Variants in CCDC171 observed in about 807,000 individuals in gnomAD.
CCDC171 encodes coiled-coil domain containing 171.
A neutral mutation model predicts 168.2 loss-of-function variants in CCDC171; 177 were observed. That is an observed-to-expected ratio of 1.05 (90% CI 0.93 to 1.19). The LOEUF is 1.19. Ranked by LOEUF, CCDC171 falls within the 50% of genes most tolerant of loss-of-function variation. The pLI, the probability that CCDC171 is intolerant of heterozygous loss-of-function variation, is 0.00. For synonymous variants in CCDC171, 687 were observed against 540.8 expected (o/e 1.27, Z -3.75); for missense variants, 1,991 against 1,539.0 (o/e 1.29, Z -4.91).
chr9:15,917,503 A>C (rs1473901714), intron 24 of CCDC171, among the ~76,000 whole-genome samples: 2 of 151,724 alleles, frequency 1.3e-5, no homozygotes, highest in Non-Finnish European at 3.0e-5. Context: ...AAGAAGTAGT[A>C]TGTGGTTTAT....
chr9:15,754,672 G>C (rs1438678215), intron 18 of CCDC171, among the ~76,000 whole-genome samples: 1 of 152,116 alleles, frequency 6.6e-6, no homozygotes, highest in Non-Finnish European at 1.5e-5. Context: ...TCTGACACTA[G>C]CTGTGTGACC....
At chr9:15,653,625 G>T (rs1368507333) in intron 7 of CCDC171, among the ~76,000 whole-genome samples, 1 of 152,084 alleles carries the variant, frequency 6.6e-6, no homozygotes, top group Non-Finnish European at 1.5e-5. Flanking sequence ...ATCAGCTTAT[G>T]ACCAATCTTA....
At chr9:15,903,376 A>G (rs939623508) in intron 24 of CCDC171, among the ~76,000 whole-genome samples, 19 of 152,092 alleles carry the variant, frequency 1.2e-4, no homozygotes, top group Non-Finnish European at 2.5e-4. Context: ...CTGTTCACCA[A>G]TATCCGCTGT....
At chr9:15,909,656 A>G (rs1823322359) in intron 24 of CCDC171, among the ~76,000 whole-genome samples, 1 of 152,154 alleles carries the variant, frequency 6.6e-6, no homozygotes, top group African/African-American at 2.4e-5. Flanking sequence ...TCTGTATCTC[A>G]TTCCCTCCTA....
intron 21 of CCDC171, among the ~76,000 whole-genome samples, chr9:15,800,042 A>G (rs1354651348): frequency 6.6e-6 from 1 of 152,076 alleles, no homozygotes; most frequent in Non-Finnish European, 1.5e-5. Context: ...TTGCTTCCAA[A>G]TCTTGGCTAT....
At chr9:16,079,342 G>A in the CCDC171 span, among the ~76,000 whole-genome samples, 1 of 152,116 alleles carries the variant, frequency 6.6e-6, no homozygotes, top group Non-Finnish European at 1.5e-5. Flanking sequence ...TTGGAGCTAG[G>A]GTCTTCACAG....
At chr9:15,667,325 A>G (rs1333240618) in intron 9 of CCDC171, among the ~76,000 whole-genome samples, 1 of 152,162 alleles carries the variant, frequency 6.6e-6, no homozygotes, top group Admixed American at 6.5e-5. Context: ...TTTTCCATTT[A>G]TAGCCACAAT....
intron 16 of CCDC171, among the ~76,000 whole-genome samples, chr9:15,734,261 T>G (rs1298005979): frequency 6.6e-6 from 1 of 152,164 alleles, no homozygotes; most frequent in Non-Finnish European, 1.5e-5. Context: ...GGAGGCTGAG[T>G]GTGGTGGCTC....
At chr9:15,996,584 T>G (rs1832381385) in intron 3 of CCDC171, among the ~76,000 whole-genome samples, 1 of 151,844 alleles carries the variant, frequency 6.6e-6, no homozygotes, top group Non-Finnish European at 1.5e-5. Flanking sequence ...GTATTTAAAT[T>G]TTTGAATTTT....
chr9:16,054,325 C>A (rs1833798821), intron 1 of CCDC171, among the ~76,000 whole-genome samples: 1 of 152,286 alleles, frequency 6.6e-6, no homozygotes, highest in Non-Finnish European at 1.5e-5. Flanking sequence ...GGCTGTCATT[C>A]GGGTGTGCAC....
intron 11 of CCDC171, among the ~76,000 whole-genome samples, chr9:15,716,388 T>C (rs1417173614): frequency 1.3e-5 from 2 of 152,192 alleles, no homozygotes; most frequent in Non-Finnish European, 2.9e-5. Context: ...TTTCGGGCCA[T>C]ACTGCAGTGA....
chr9:15,577,969 C>G (rs922224837), intron 3 of CCDC171, among the ~76,000 whole-genome samples: 2 of 152,228 alleles, frequency 1.3e-5, no homozygotes, highest in African/African-American at 2.4e-5. Context: ...CTCTGACCTT[C>G]TGTCATGCTA....
chr9:15,746,547 A>G (rs979374162), intron 18 of CCDC171, among the ~76,000 whole-genome samples: 4 of 152,254 alleles, frequency 2.6e-5, no homozygotes. Context: ...TTTTGGTATT[A>G]TAACTTCAAA....
chr9:15,747,607 A>G (rs546705837), intron 18 of CCDC171, among the ~76,000 whole-genome samples: 2 of 152,250 alleles, frequency 1.3e-5, no homozygotes, highest in Non-Finnish European at 2.9e-5. Flanking sequence ...ACCTAGGCAC[A>G]CAGGGTCTGG....
chr9:15,700,592 G>T (rs1224119007), intron 11 of CCDC171, among the ~76,000 whole-genome samples: 1 of 152,324 alleles, frequency 6.6e-6, no homozygotes, highest in Non-Finnish European at 1.5e-5. Context: ...CTGCCAGCAC[G>T]CTGTCACCTC....
At chr9:15,634,196 A>G (rs1264386706) in intron 7 of CCDC171, among the ~76,000 whole-genome samples, 3 of 152,054 alleles carry the variant, frequency 2.0e-5, no homozygotes, top group African/African-American at 7.2e-5. Context: ...AAGAAAGCAG[A>G]ACCCAAACAC....
At chr9:16,004,925 G>A (rs1167640064) in intron 3 of CCDC171, among the ~76,000 whole-genome samples, 1 of 152,098 alleles carries the variant, frequency 6.6e-6, no homozygotes, top group Non-Finnish European at 1.5e-5. Context: ...TGCATCTAAA[G>A]TAGAAGGTAA....
At chr9:15,712,536 G>C (rs1041310320) in intron 11 of CCDC171, among the ~76,000 whole-genome samples, 1 of 152,228 alleles carries the variant, frequency 6.6e-6, no homozygotes, top group Admixed American at 6.5e-5. Context: ...TGGAATACAT[G>C]ATGGTGAATT....
chr9:15,650,537 T>C (rs925241294), intron 7 of CCDC171, among the ~76,000 whole-genome samples: 1 of 152,228 alleles, frequency 6.6e-6, no homozygotes, highest in East Asian at 1.9e-4. Context: ...ATATCTTTTT[T>C]AGACAAATGT....
Sources: gnomAD v4.1 joint callset for allele counts (sites outside exome capture counted in the v4.1 genomes callset) on GRCh38, gnomAD v4.1.1 for gene constraint, MANE v1.5 for transcripts, NCBI Gene and HGNC (gene_info 2026-07-23, HGNC 2026-07-21) for gene names.